CYP11B1: variants seen among roughly 807,000 people sequenced by gnomAD.
CYP11B1 encodes the protein cytochrome P450 family 11 subfamily B member 1, also known as cytochrome P450 11B1, mitochondrial.
Under a neutral mutation model 48.3 loss-of-function variants are expected in CYP11B1, and 34 were observed. The observed-to-expected ratio is 0.70, with a 90% CI of 0.54 to 0.94. CYP11B1 has a LOEUF of 0.94. CYP11B1 is among the 40% of genes least tolerant of loss of function. The pLI, the probability that CYP11B1 is intolerant of heterozygous loss-of-function variation, is 0.00. For synonymous variants in CYP11B1, 291 were observed against 262.5 expected (o/e 1.11, Z -1.05); for missense variants, 688 against 657.4 (o/e 1.05, Z -0.51).
In CYP11B1 at chr8:142,874,232, G is replaced by A. The variant is rs931180495; in HGVS notation, c.*141C>T. On this transcript the variant is annotated 3_prime_UTR_variant, in exon 9 of 9. Transcript: ENST00000292427. The stretch of plus-strand genomic sequence containing the variant: ...GCAAACCCTGGTCCTAGAGGCCCTC[G>A]GGAGTTCCATTTGTGCTGGGGCTGG... The A allele has an allele frequency of 1.1e-5, 8 of 715,932 alleles. No homozygotes were observed. The highest frequency in any genetic ancestry group is 4.0e-5 in the Admixed American group (2 of 49,774). The allele number at this position is 715,932 out of a possible 1,614,324, so 44.3% of individuals were successfully genotyped here. A position where few individuals can be genotyped will look rare whatever the true frequency, so the allele number is the denominator to read the frequency against.
At position 142,875,818 on chromosome 8, in the gene CYP11B1, C is replaced by A. The variant is rs193922534; in HGVS notation, c.1015G>T (p.Ala339Ser). The A allele has an allele frequency of 8.7e-6, 14 of 1,614,014 alleles. No homozygotes were observed. Among genetic ancestry groups the A allele is most frequent in the Non-Finnish European group, 1.2e-5 (14 of 1,179,998 alleles). Residue 339 changes from alanine to serine, a missense_variant, in exon 6 of 9, where the codon GCC (alanine) becomes TCC (serine). Ala to Ser is a moderately conservative substitution (Grantham distance 99). Transcript: ENST00000292427. ...GCGGCCAGGCTCTCCTGGCGCAGGG[C>A]CTGCTGCACGTTGGGGTTCCGAGCC... ...ELARNPNVQQ[A>S]LRQESLAAAA...
intron 1 of CYP11B1, 139 bp downstream of exon 1, chr8:142,879,436 G>C (rs1347182372): frequency 6.2e-7 from 1 of 1,613,536 alleles, no homozygotes; most frequent in East Asian, 2.2e-5. Flanking sequence ...ACCAGCACGT[G>C]CTGCACTCCT....
At chr8:142,876,526 G>A in intron 4 of CYP11B1, 131 bp from the exon 5 acceptor site, 1 of 1,545,316 alleles carries the variant, frequency 6.5e-7, no homozygotes, top group Non-Finnish European at 8.8e-7. Context: ...GATCAGCCCA[G>A]CCCAGCCCCA....
Position 142,877,054 on chromosome 8 carries a change from G to C in CYP11B1, c.564C>G (p.Val188=). The change falls in exon 3 of 9, where the codon GTC becomes GTG. Residue 188 remains valine, a synonymous_variant. Transcript: ENST00000292427. The stretch of plus-strand genomic sequence containing the variant: ...TGGTGTAGTGGAAGATGCTGGGCTG[G>C]ACGTCCAGGGTCAGGCTCCCCCGGG... ...QNARGSLTLD[V]QPSIFHYTIE... is the part of the protein sequence containing the mutation. 2 of 1,613,920 alleles carry C rather than the reference G, an allele frequency of 1.2e-6. No homozygotes were observed. The highest frequency in any genetic ancestry group is 1.7e-6 in the Non-Finnish European group (2 of 1,179,952).
At chr8:142,878,308 G>A (rs1467854309) in intron 2 of CYP11B1, among the ~76,000 whole-genome samples, 3 of 152,102 alleles carry the variant, frequency 2.0e-5, no homozygotes, top group East Asian at 1.9e-4. Flanking sequence ...TCCCAAAAGC[G>A]TTCTCCTCCT....
In CYP11B1 at chr8:142,875,828, G is replaced by A. The variant is rs756305754; in HGVS notation, c.1005C>T (p.Asn335=). The change falls in exon 6 of 9, where the codon AAC becomes AAT. Residue 335 remains asparagine, a synonymous_variant. Coordinates refer to ENST00000292427, the MANE Select transcript of CYP11B1 (RefSeq NM_000497.4). ...TCTCCTGGCGCAGGGCCTGCTGCAC[G>A]TTGGGGTTCCGAGCCAGCTCAAAGA... The part of the protein sequence containing the change: ...MTLFELARNP[N]VQQALRQESL... 153 of 1,614,012 alleles carry A rather than the reference G, an allele frequency of 9.5e-5. No homozygotes were observed. The highest frequency in any genetic ancestry group is 1.2e-4 in the Non-Finnish European group (140 of 1,180,020).
chr8:142,878,908 G>A, intron 2 of CYP11B1, 124 bp downstream of exon 2: 1 of 1,437,384 alleles, frequency 7.0e-7, no homozygotes, highest in East Asian at 2.5e-5. Context: ...CTCTGGGTCG[G>A]GTGCTCACCC....
Position 142,879,562 on chromosome 8 carries a change from G to A in CYP11B1, c.239+13C>T, listed in dbSNP as rs6402. The A allele has an allele frequency of 6.2e-7, 1 of 1,614,226 alleles. No homozygotes were observed. Among genetic ancestry groups the A allele is most frequent in the Non-Finnish European group, 8.5e-7 (1 of 1,180,038 alleles). On this transcript the variant is annotated intron_variant, in intron 1 of 8. Coordinates refer to ENST00000292427, the MANE Select transcript of CYP11B1 (RefSeq NM_000497.4). ...CTCTGGGTGTTCCCAGCGAGGGCCAGGGAGGGCTTTACCTGAAAATGGGCC... is the reference window on the plus strand; with the variant it reads ...CTCTGGGTGTTCCCAGCGAGGGCCAAGGAGGGCTTTACCTGAAAATGGGCC...
intron 2 of CYP11B1, chr8:142,877,790 C>T (rs748410912): frequency 1.1e-5 from 17 of 1,596,206 alleles, no homozygotes; most frequent in African/African-American, 2.7e-5. Context: ...TCCATGGATG[C>T]CCCCAGGGAA....
Position 142,875,736 on chromosome 8 carries a change from C to T in CYP11B1, c.1097G>A (p.Arg366His), listed in dbSNP as rs370188543. 26 of 1,613,910 alleles carry T rather than the reference C, an allele frequency of 1.6e-5. 1 individual carries two copies. The South Asian group carries it at 1.9e-4, about 12-fold the overall frequency. ...CCGCAAGGTCTCCTTGAGGGCCGCA[C>T]GCAGCAAGGGCAGCTCGGTGGTTGC... is the stretch of plus-strand genomic sequence containing the variant. ...QKATTELPLL[R>H]AALKETLRLY... Residue 366 changes from arginine to histidine, a missense_variant, in exon 6 of 9, where the codon CGT becomes CAT. Physicochemically the swap from Arg to His is conservative, Grantham distance 29. Coordinates refer to ENST00000292427, the MANE Select transcript of CYP11B1 (RefSeq NM_000497.4).
Position 142,875,048 on chromosome 8 carries a change from C to T in CYP11B1, c.1307G>A (p.Arg436Lys). ...QRWLDIRGSG[R>K]NFYHVPFGFG... ...GCCAAAGGGCACGTGGTAGAAGTTC[C>T]TGCCGGAGCCCCTGATGTCTAGCCA... The change falls in exon 8 of 9, where the codon AGG becomes AAG. Residue 436 changes from arginine (R) to lysine (K), a missense_variant. By Grantham distance (26) the Arg-to-Lys change is conservative (BLOSUM62 2). Transcript: ENST00000292427. 2 of 1,614,242 alleles carry T rather than the reference C, an allele frequency of 1.2e-6. No homozygotes were observed. Among genetic ancestry groups the T allele is most frequent in the Admixed American group, 1.7e-5 (1 of 60,036 alleles).
rs777014524 is a variant in CYP11B1 at position 142,879,742 on chromosome 8, C to T, written c.72G>A (p.Leu24=). Reference sequence around the variant, plus strand: ...TGGGGACCCGGGCGGCTCTCGTGCCCAGTGCCTGTGCCCTTTGCAGGGACA... The same window carrying T: ...TGGGGACCCGGGCGGCTCTCGTGCCTAGTGCCTGTGCCCTTTGCAGGGACA... ...PWLSLQRAQA[L]GTRAARVPRT... The change falls in exon 1 of 9, where the codon CTG becomes CTA. Residue 24 remains leucine (L), a synonymous_variant. Coordinates refer to ENST00000292427, the MANE Select transcript of CYP11B1 (RefSeq NM_000497.4). 1.2e-6 allele frequency: 2 copies of T among 1,614,238 alleles called. No individual in the cohort carries two copies. The highest frequency in any genetic ancestry group is 2.2e-5 in the East Asian group (1 of 44,884).
chr8:142,878,032 C>T (rs1210070480), intron 2 of CYP11B1, among the ~76,000 whole-genome samples: 1 of 145,556 alleles, frequency 6.9e-6, no homozygotes, highest in African/African-American at 2.5e-5. Context: ...CACTCGTGCA[C>T]ACACACCACA....
At chr8:142,876,622 G>A (rs1286597093) in intron 4 of CYP11B1, 60 bp downstream of exon 4, 53 of 1,571,840 alleles carry the variant, frequency 3.4e-5, no homozygotes, top group Middle Eastern at 1.9e-4. Flanking sequence ...GGTGGAGAGG[G>A]AGAAATTGGG....
intron 8 of CYP11B1, among the ~76,000 whole-genome samples, 174 bp downstream of exon 8, chr8:142,874,783 T>C (rs1236645724): frequency 6.6e-6 from 1 of 152,000 alleles, no homozygotes; most frequent in African/African-American, 2.4e-5. Context: ...TACCAACTCC[T>C]GCCCAGGACC....
intron 5 of CYP11B1, 37 bp from the exon 6 acceptor site, chr8:142,875,915 A>G (rs1816930144): frequency 1.9e-6 from 3 of 1,612,802 alleles, no homozygotes; most frequent in Non-Finnish European, 2.5e-6. Flanking sequence ...GACCTTGCAC[A>G]GGAGGACTCA....
At chr8:142,879,366 C>T in intron 1 of CYP11B1, 179 bp from the exon 2 acceptor site, 1 of 1,608,762 alleles carries the variant, frequency 6.2e-7, no homozygotes, top group Non-Finnish European at 8.5e-7. Flanking sequence ...CTGAGTCCTG[C>T]CCTCTCTGCA....
rs1257790042 is a variant in CYP11B1 at position 142,876,315 on chromosome 8, G to A, written c.880C>T (p.Leu294=). The A allele has an allele frequency of 6.2e-7, 1 of 1,614,100 alleles. No individual in the cohort carries two copies. Among genetic ancestry groups the A allele is most frequent in the African/African-American group, 1.3e-5 (1 of 74,928 alleles). The change falls in exon 5 of 9, where the codon CTG becomes TTG. Residue 294 remains leucine, a synonymous_variant. Coordinates refer to ENST00000292427, the MANE Select transcript of CYP11B1 (RefSeq NM_000497.4). Reference sequence around the variant, plus strand: ...TCTGGCGACAGTTCCGCATTCAACAGGAGCTCCGCCACGATGCTGGTGTAC... The same window carrying A: ...TCTGGCGACAGTTCCGCATTCAACAAGAGCTCCGCCACGATGCTGGTGTAC... ...QQYTSIVAEL[L]LNAELSPDAI...
At position 142,876,665 on chromosome 8, in the gene CYP11B1, C is replaced by G. The variant is rs61751156; in HGVS notation, c.799+17G>C. On this transcript the variant is annotated intron_variant, in intron 4 of 8. Coordinates refer to ENST00000292427, the MANE Select transcript of CYP11B1 (RefSeq NM_000497.4). The stretch of plus-strand genomic sequence containing the variant: ...GGTGTCCCTTCCCCATAGCACTGCC[C>G]GGGTCCCTGGCCTCACCGTACTGGA... The G allele has an allele frequency of 6.3e-7, 1 of 1,596,900 alleles. No homozygotes were observed. Among genetic ancestry groups the G allele is most frequent in the Non-Finnish European group, 8.5e-7 (1 of 1,172,550 alleles).
Sources: gnomAD v4.1 joint callset for allele counts (sites outside exome capture counted in the v4.1 genomes callset) on GRCh38, gnomAD v4.1.1 for gene constraint, MANE v1.5 for transcripts, NCBI Gene and HGNC (gene_info 2026-07-23, HGNC 2026-07-21) for gene names.